TNFRSF10B: variants seen among roughly 807,000 people sequenced by gnomAD.
TNFRSF10B encodes TNF receptor superfamily member 10b.
In TNFRSF10B, 35 loss-of-function variants were observed where a neutral mutation model predicts 41.4. That is an observed-to-expected ratio of 0.85 (90% CI 0.65 to 1.12). The LOEUF is 1.12. Among genes scored for constraint, TNFRSF10B ranks in the 50% most tolerant of loss-of-function variants. TNFRSF10B has a pLI of 0.00. For synonymous variants in TNFRSF10B, 230 were observed against 215.5 expected (o/e 1.07, Z -0.59); for missense variants, 584 against 552.7 (o/e 1.06, Z -0.57).
chr8:23,063,971 C>T (rs977865162), intron 1 of TNFRSF10B, among the ~76,000 whole-genome samples: 1 of 152,230 alleles, frequency 6.6e-6, no homozygotes, highest in Non-Finnish European at 1.5e-5. Context: ...TGGGTTAGTG[C>T]AGCTTCCTAG....
intron 4 of TNFRSF10B, 138 bp downstream of exon 4, chr8:23,029,472 G>A (rs550815961): frequency 2.8e-5 from 22 of 799,586 alleles, no homozygotes; most frequent in African/African-American, 1.4e-4. Context: ...GTGGTGACAC[G>A]CAGAGGGACC....
intron 2 of TNFRSF10B, among the ~76,000 whole-genome samples, chr8:23,041,496 C>T (rs913824842): frequency 2.0e-5 from 3 of 151,894 alleles, no homozygotes; most frequent in Non-Finnish European, 2.9e-5. Flanking sequence ...CCTGCCACCG[C>T]ACTCCAGCCT....
intron 2 of TNFRSF10B, among the ~76,000 whole-genome samples, chr8:23,035,838 G>A (rs192043899): frequency 6.6e-5 from 10 of 152,220 alleles, no homozygotes; most frequent in African/African-American, 2.4e-4. Flanking sequence ...GTGTTTCTCT[G>A]GCCTATTTAT....
chr8:23,026,436 G>A (rs2128811298), intron 7 of TNFRSF10B, among the ~76,000 whole-genome samples: 1 of 152,270 alleles, frequency 6.6e-6, no homozygotes, highest in East Asian at 1.9e-4. Context: ...GAATAATTCA[G>A]GGAGTTTCTC....
In TNFRSF10B at chr8:23,041,108, A is replaced by G. The variant is rs564731943; in HGVS notation, c.250+2030T>C. On this transcript the variant is annotated intron_variant, in intron 2 of 8. Coordinates refer to ENST00000276431, the MANE Select transcript of TNFRSF10B (RefSeq NM_003842.5). ...GGGTCTCACTCTGTCACCCAGGCTG[A>G]AGTGCAATGGCGTGATCTCAGCTCA... is the stretch of plus-strand genomic sequence containing the variant. 1.1e-4 allele frequency among the ~76,000 whole-genome samples: 16 copies of G among 149,996 alleles called. No homozygotes were observed. In the South Asian group the frequency reaches 2.5e-3, roughly 24 times the overall value.
intron 2 of TNFRSF10B, among the ~76,000 whole-genome samples, chr8:23,040,256 ATATT>A (rs1325943877): frequency 7.1e-6 from 1 of 141,502 alleles, no homozygotes; most frequent in Non-Finnish European, 1.5e-5. Context: ...ATTTAAATAT[ATATT>A]TATTAAATAT....
At chr8:23,029,479 G>A in intron 4 of TNFRSF10B, 131 bp downstream of exon 4, 1 of 848,684 alleles carries the variant, frequency 1.2e-6, no homozygotes, top group East Asian at 2.7e-5. Context: ...CACGCAGAGG[G>A]ACCAGGAGGG....
In TNFRSF10B at chr8:23,028,551, G is replaced by A. The variant is rs553518169; in HGVS notation, c.528C>T (p.Ile176=). The change falls in exon 5 of 9, where the codon ATC becomes ATT. Residue 176 remains isoleucine, a synonymous_variant. Coordinates refer to ENST00000276431, the MANE Select transcript of TNFRSF10B (RefSeq NM_003842.5). ...KVGDCTPWSD[I]ECVHKESGTK... ...TACCTGATTCTTTGTGGACACATTC[G>A]ATGTCACTCCAGGGTGTACAATCAC... 1.1e-4 allele frequency: 184 copies of A among 1,614,050 alleles called. No individual in the cohort carries two copies. Among genetic ancestry groups the A allele is most frequent in the Non-Finnish European group, 1.5e-4 (179 of 1,179,978 alleles).
At position 23,020,931 on chromosome 8, in the gene TNFRSF10B, G is replaced by C. The variant is rs893156165; in HGVS notation, c.*1740C>G. On this transcript the variant is annotated 3_prime_UTR_variant, in exon 9 of 9. Coordinates refer to ENST00000276431, the MANE Select transcript of TNFRSF10B (RefSeq NM_003842.5). ...CGCGTGGGATGCCAGATGGAAGTGG[G>C]AGAGGATGGAAGTGCAAAGACCAGA... is the stretch of plus-strand genomic sequence containing the variant. The C allele has an allele frequency of 2.2e-6, 1 of 453,980 alleles. No individual in the cohort carries two copies. The highest frequency in any genetic ancestry group is 2.0e-5 in the African/African-American group (1 of 49,978). The allele number at this position is 453,980 out of a possible 1,614,324, so 28.1% of individuals were successfully genotyped here.
rs982126902 is a variant in TNFRSF10B at position 23,020,571 on chromosome 8, A to G, written c.*2100T>C. On this transcript the variant is annotated 3_prime_UTR_variant, in exon 9 of 9. Transcript: ENST00000276431. ...GCCAGGCGTGGTGGCGGGTGCCTGC[A>G]ATCCCAGCTACTCCGGAGGCTGAGG... The G allele has an allele frequency of 6.7e-6, 3 of 446,820 alleles. No homozygotes were observed. The highest frequency in any genetic ancestry group is 2.0e-5 in the African/African-American group (1 of 49,618). 27.7% of individuals were successfully genotyped at this position (446,820 alleles called of 1,614,324 possible).
intron 1 of TNFRSF10B, among the ~76,000 whole-genome samples, chr8:23,065,386 G>C (rs768924147): frequency 5.3e-5 from 8 of 152,208 alleles, no homozygotes; most frequent in Non-Finnish European, 1.2e-4. Context: ...GTGCAGGGCA[G>C]AGACTGGGAG....
intron 7 of TNFRSF10B, among the ~76,000 whole-genome samples, chr8:23,026,672 G>C (rs1444756384): frequency 6.6e-6 from 1 of 152,170 alleles, no homozygotes; most frequent in African/African-American, 2.4e-5. Flanking sequence ...GATTGTGTGC[G>C]TGTGTCCAAT....
chr8:23,066,634 G>A (rs989178868), intron 1 of TNFRSF10B, among the ~76,000 whole-genome samples: 2 of 152,106 alleles, frequency 1.3e-5, no homozygotes, highest in African/African-American at 2.4e-5. Flanking sequence ...TCGGCTGGGC[G>A]TGGTGGCTCA....
intron 2 of TNFRSF10B, among the ~76,000 whole-genome samples, chr8:23,038,618 C>A (rs1273816252): frequency 6.6e-6 from 1 of 152,064 alleles, no homozygotes; most frequent in Non-Finnish European, 1.5e-5. Flanking sequence ...TCCAGGGTAT[C>A]AAGGAAAGGA....
At position 23,068,926 on chromosome 8, in the gene TNFRSF10B, G is replaced by A; in HGVS notation, c.-32C>T. 2.5e-6 allele frequency: 4 copies of A among 1,613,122 alleles called. No individual in the cohort carries two copies. Among genetic ancestry groups the A allele is most frequent in the Non-Finnish European group, 3.4e-6 (4 of 1,179,930 alleles). ...AGGGAACGCTCTTATAGTCTCTCAG[G>A]CCCGTGGGTTTCAGCCCTTAAAGTA... On this transcript the variant is annotated 5_prime_UTR_variant, in exon 1 of 9. Transcript: ENST00000276431.
In TNFRSF10B at chr8:23,024,273, G is replaced by A. The variant is rs766314580; in HGVS notation, c.937-13C>T. On this transcript the variant is annotated splice_polypyrimidine_tract_variant and intron_variant, in intron 7 of 8. Transcript: ENST00000276431. ...CTTCTGCCGGTTCCTGTAACACATA[G>A]TGGGGAATGTCCTGGTCAGAGCCAG... 1.9e-6 allele frequency: 3 copies of A among 1,613,896 alleles called. No individual in the cohort carries two copies. The highest frequency in any genetic ancestry group is 2.2e-5 in the East Asian group (1 of 44,870).
intron 8 of TNFRSF10B, among the ~76,000 whole-genome samples, chr8:23,023,410 G>A (rs1264555688): frequency 6.6e-6 from 1 of 152,174 alleles, no homozygotes; most frequent in Admixed American, 6.5e-5. Context: ...GAAAGCACAG[G>A]GCCTGGGACA....
chr8:23,049,577 T>C lies in TNFRSF10B; in HGVS notation c.145-6334A>G, dbSNP rs80113008. Among the ~76,000 whole-genome samples the C allele has an allele frequency of 3.7e-4, 57 of 152,316 alleles. No individual in the cohort carries two copies. In the East Asian group the frequency reaches 0.011, roughly 29 times the overall value. On this transcript the variant is annotated intron_variant, in intron 1 of 8. Coordinates refer to ENST00000276431, the MANE Select transcript of TNFRSF10B (RefSeq NM_003842.5). ...GACCTTAGTTATAGATTCAAAGAAG[T>C]TAATCACTTATGTCTTTAGATGAAT...
At chr8:23,047,421 G>C (rs1272050748) in intron 1 of TNFRSF10B, among the ~76,000 whole-genome samples, 1 of 150,308 alleles carries the variant, frequency 6.7e-6, no homozygotes, top group Non-Finnish European at 1.5e-5. Context: ...ATAAGCTACA[G>C]ACTGGGAGAA....
Sources: gnomAD v4.1 joint callset for allele counts (sites outside exome capture counted in the v4.1 genomes callset) on GRCh38, gnomAD v4.1.1 for gene constraint, MANE v1.5 for transcripts, NCBI Gene and HGNC (gene_info 2026-07-23, HGNC 2026-07-21) for gene names.